Variants in SNX30 observed in about 807,000 individuals in gnomAD.
SNX30 encodes the protein sorting nexin-30.
In SNX30, 24 loss-of-function variants were observed where a neutral mutation model predicts 46.4. The ratio of observed to expected loss-of-function variants is 0.52; its 90% CI spans 0.37 to 0.73. The LOEUF (loss-of-function observed/expected upper bound fraction) is 0.73, where lower values mean the gene tolerates loss of function less well. Among genes scored for constraint, SNX30 ranks in the 30% least tolerant of loss-of-function variants. The pLI is 0.00. For synonymous variants in SNX30, 189 were observed against 211.5 expected (o/e 0.89, Z 0.92); for missense variants, 533 against 555.7 (o/e 0.96, Z 0.41).
At chr9:112,791,479 G>A (rs1253955387) in intron 1 of SNX30, among the ~76,000 whole-genome samples, 3 of 117,168 alleles carry the variant, frequency 2.6e-5, no homozygotes, top group East Asian at 3.0e-4. Context: ...GCGCAATTGC[G>A]CTGCTCACTG....
chr9:112,788,045 C>T (rs1839960078), intron 1 of SNX30, among the ~76,000 whole-genome samples: 1 of 152,006 alleles, frequency 6.6e-6, no homozygotes, highest in African/African-American at 2.4e-5. Flanking sequence ...AGGGGATCCA[C>T]CCAAGGCAAG....
At chr9:112,830,663 T>C in intron 3 of SNX30, 62 bp from the exon 4 acceptor site, 1 of 1,496,390 alleles carries the variant, frequency 6.7e-7, no homozygotes, top group Non-Finnish European at 9.1e-7. Context: ...TGTGCTAGCC[T>C]GGTTGTTTTT....
chr9:112,842,065 T>A (rs1840868992), intron 6 of SNX30, among the ~76,000 whole-genome samples: 1 of 152,202 alleles, frequency 6.6e-6, no homozygotes, highest in African/African-American at 2.4e-5. Context: ...TGCCTCAGGC[T>A]CCCGAGTAGC....
At chr9:112,847,873 C>T (rs1313802704) in intron 6 of SNX30, among the ~76,000 whole-genome samples, 1 of 152,198 alleles carries the variant, frequency 6.6e-6, no homozygotes, top group Non-Finnish European at 1.5e-5. Flanking sequence ...TACTTTCCTT[C>T]CATTCCTGTT....
chr9:112,755,406 G>A (rs368510250), intron 1 of SNX30, among the ~76,000 whole-genome samples: 1 of 152,080 alleles, frequency 6.6e-6, no homozygotes, highest in Non-Finnish European at 1.5e-5. Context: ...GTTAAAGGCT[G>A]GGGGCAGAGA....
chr9:112,765,013 C>T (rs1239651834), intron 1 of SNX30, among the ~76,000 whole-genome samples: 3 of 152,124 alleles, frequency 2.0e-5, no homozygotes, highest in African/African-American at 7.2e-5. Context: ...GCTTGGGTCA[C>T]GTGCCTACCT....
intron 1 of SNX30, among the ~76,000 whole-genome samples, chr9:112,797,071 T>C (rs991937807): frequency 6.6e-6 from 1 of 152,222 alleles, no homozygotes; most frequent in African/African-American, 2.4e-5. Context: ...TTCCCAGTTA[T>C]TCCAAAGCGA....
chr9:112,793,130 A>G (rs17742994), intron 1 of SNX30, among the ~76,000 whole-genome samples: 10,382 of 152,232 alleles, frequency 0.068, 454 homozygotes, highest in Non-Finnish European at 0.099. Flanking sequence ...CAAGTGGATT[A>G]TATTGGATCC....
In SNX30 at chr9:112,871,852, T is replaced by G. The variant is rs1054125850; in HGVS notation, c.*3009T>G. 2.6e-5 allele frequency: 4 copies of G among 152,192 alleles called. No homozygotes were observed. The highest frequency in any genetic ancestry group is 5.9e-5 in the Non-Finnish European group (4 of 68,030). The allele number at this position is 152,192 out of a possible 1,614,324, so 9.4% of individuals were successfully genotyped here. ...GATCTACACGAACATTCTAGGCTGT[T>G]CTGCTCAGAGCGAGGAACCACTGCT... On this transcript the variant is annotated 3_prime_UTR_variant, in exon 9 of 9. Coordinates refer to ENST00000374232, the MANE Select transcript of SNX30 (RefSeq NM_001012994.2).
At chr9:112,789,227 C>G (rs937081242) in intron 1 of SNX30, among the ~76,000 whole-genome samples, 1 of 152,174 alleles carries the variant, frequency 6.6e-6, no homozygotes, top group African/African-American at 2.4e-5. Flanking sequence ...CCTTGACCAG[C>G]AGCAGAGGAA....
At chr9:112,842,253 T>G (rs1840872196) in intron 6 of SNX30, among the ~76,000 whole-genome samples, 1 of 152,226 alleles carries the variant, frequency 6.6e-6, no homozygotes, top group African/African-American at 2.4e-5. Flanking sequence ...TGTGGCCCGT[T>G]CTTCATCAGC....
intron 4 of SNX30, among the ~76,000 whole-genome samples, chr9:112,833,420 A>G (rs1442763622): frequency 2.6e-5 from 4 of 152,210 alleles, no homozygotes; most frequent in Admixed American, 2.0e-4. Flanking sequence ...GCGCTTTGGG[A>G]GGCCAAAGCA....
At chr9:112,775,176 A>T in intron 1 of SNX30, among the ~76,000 whole-genome samples, 1 of 121,474 alleles carries the variant, frequency 8.2e-6, no homozygotes, top group African/African-American at 3.3e-5. Flanking sequence ...TTTTTTTGAG[A>T]CGGAGTTTTA....
chr9:112,868,763 G>C (rs1841400310), intron 8 of SNX30, 21 bp from the exon 9 acceptor site: 6 of 1,613,896 alleles, frequency 3.7e-6, no homozygotes, highest in Non-Finnish European at 5.1e-6. Context: ...CTGATACTGT[G>C]TGTGTATGTT....
chr9:112,817,694 CT>C lies in SNX30; in HGVS notation c.349-9del. 1 of 1,523,126 alleles carries C rather than the reference CT, an allele frequency of 6.6e-7. No individual in the cohort carries two copies. The highest frequency in any genetic ancestry group is 9.1e-7 in the Non-Finnish European group (1 of 1,097,776). 94.4% of individuals were successfully genotyped at this position (1,523,126 alleles called of 1,614,324 possible). A position where few individuals can be genotyped will look rare whatever the true frequency, so the allele number is the denominator to read the frequency against. On this transcript the variant is annotated splice_polypyrimidine_tract_variant and intron_variant, in intron 2 of 8. Coordinates refer to ENST00000374232, the MANE Select transcript of SNX30 (RefSeq NM_001012994.2). ...CCTTATGCTTATTTTTTTCCATTCT[CT>C]TCTTTGCAGAGTACTCGGGTGGAGT...
In SNX30 at chr9:112,834,882, A is replaced by ACACACACACACACACACACACACACC. The variant is rs56385707; in HGVS notation, c.619-1331_619-1330insACACACACACACACACACACACACCC. On this transcript the variant is annotated intron_variant, in intron 4 of 8. Transcript: ENST00000374232. Reference sequence around the variant, plus strand: ...CACACACACACACACACACACACACACCTACCTCAATAGGAAAGGCTGGAT... The same window carrying ACACACACACACACACACACACACACC: ...CACACACACACACACACACACACACACACACACACACACACACACACACACCCCTACCTCAATAGGAAAGGCTGGAT... Among the ~76,000 whole-genome samples, 69 of 105,344 alleles carry ACACACACACACACACACACACACACC rather than the reference A, an allele frequency of 6.5e-4. 1 individual carries two copies. The highest frequency in any genetic ancestry group is 1.7e-3 in the African/African-American group (58 of 33,780). 69.1% of individuals were successfully genotyped at this position (105,344 alleles called of 152,430 possible).
intron 5 of SNX30, among the ~76,000 whole-genome samples, chr9:112,837,545 G>A (rs528572596): frequency 9.2e-5 from 14 of 151,856 alleles, no homozygotes; most frequent in Middle Eastern, 6.8e-3. Flanking sequence ...GCACCATCTC[G>A]GCTCACTGCA....
At chr9:112,843,550 A>T (rs1327267530) in intron 6 of SNX30, among the ~76,000 whole-genome samples, 3 of 147,076 alleles carry the variant, frequency 2.0e-5, no homozygotes, top group Admixed American at 1.4e-4. Context: ...AAGGCTGGGG[A>T]GTGGAACCTG....
intron 3 of SNX30, among the ~76,000 whole-genome samples, chr9:112,827,446 G>A (rs558760842): frequency 6.6e-6 from 1 of 152,250 alleles, no homozygotes; most frequent in African/African-American, 2.4e-5. Context: ...CTTTACTCTT[G>A]ATAACTAAAA....
Sources: allele counts gnomAD v4.1 joint callset (sites outside exome capture counted in the v4.1 genomes callset), GRCh38; gene constraint gnomAD v4.1.1; transcripts MANE v1.5; gene names NCBI Gene and HGNC (gene_info 2026-07-23, HGNC 2026-07-21).